ATG13: variants seen among roughly 807,000 people sequenced by gnomAD.
The protein encoded by ATG13 is autophagy-related protein 13.
ATG13 carries 23 observed loss-of-function variants against 65.5 expected under a neutral mutation model. The ratio of observed to expected loss-of-function variants is 0.35; its 90% CI spans 0.25 to 0.50. ATG13 has a LOEUF of 0.50. Among genes scored for constraint, ATG13 ranks in the 20% least tolerant of loss-of-function variants. The pLI is 0.98. For synonymous variants in ATG13, 252 were observed against 245.2 expected, an observed-to-expected ratio of 1.03 and a Z score of -0.26; for missense variants, 566 against 677.0, an observed-to-expected ratio of 0.84 and a Z score of 1.82.
intron 2 of ATG13, among the ~76,000 whole-genome samples, chr11:46,642,801 C>G (rs751107783): frequency 6.6e-5 from 10 of 152,206 alleles, no homozygotes; most frequent in Non-Finnish European, 1.3e-4. Context: ...GTCACTTCCT[C>G]TCGTCAAAAG....
chr11:46,625,295 A>G, intron 1 of ATG13: 1 of 34,150 alleles, frequency 2.9e-5, no homozygotes, highest in Admixed American at 3.2e-4. Context: ...TTTTTTTTTG[A>G]TACAGGGTTT....
At chr11:46,639,388 G>A (rs989482625) in intron 2 of ATG13, among the ~76,000 whole-genome samples, 9 of 152,082 alleles carry the variant, frequency 5.9e-5, no homozygotes, top group Non-Finnish European at 1.2e-4. Flanking sequence ...TGGCTTCCTG[G>A]ACTAGTTGCT....
chr11:46,639,488 CT>C (rs2055144506), intron 2 of ATG13, among the ~76,000 whole-genome samples: 1 of 151,946 alleles, frequency 6.6e-6, no homozygotes, highest in Non-Finnish European at 1.5e-5. Context: ...AGAATTCTGT[CT>C]TTATATATAT....
chr11:46,670,022 C>T (rs1030267046), intron 18 of ATG13, among the ~76,000 whole-genome samples: 1 of 152,154 alleles, frequency 6.6e-6, no homozygotes, highest in Admixed American at 6.5e-5. Context: ...ATTTCCTCTT[C>T]CTGCCTCTGA....
chr11:46,646,115 G>A (rs2057458708), intron 5 of ATG13, 126 bp downstream of exon 5: 1 of 1,293,744 alleles, frequency 7.7e-7, no homozygotes, highest in Non-Finnish European at 1.0e-6. Context: ...TCTCTGAGGG[G>A]GTCATAGTTT....
Position 46,627,372 on chromosome 11 carries a change from C to G in ATG13, c.-69-2673C>G, listed in dbSNP as rs188030449. Among the ~76,000 whole-genome samples the G allele has an allele frequency of 1.7e-3, 251 of 152,080 alleles. 1 individual carries two copies. Among genetic ancestry groups the G allele is most frequent in the Non-Finnish European group, 1.5e-3 (103 of 67,978 alleles). ...CCATCCAGGGCGACAGAGCAAGACT[C>G]TGTCTCAAAAAATAAATAAATAAAT... On this transcript the variant is annotated intron_variant, in intron 1 of 18. Transcript: ENST00000683050.
chr11:46,663,960 T>G (rs1227201641), intron 11 of ATG13, 37 bp from the exon 12 acceptor site: 13 of 1,243,352 alleles, frequency 1.0e-5, no homozygotes, highest in East Asian at 2.5e-5. Context: ...TTTTTTTTTT[T>G]TTTGTTTCTC....
At chr11:46,643,952 T>C (rs2056860443) in intron 2 of ATG13, among the ~76,000 whole-genome samples, 1 of 152,218 alleles carries the variant, frequency 6.6e-6, no homozygotes, top group Non-Finnish European at 1.5e-5. Context: ...TTCAGCAAAG[T>C]TTATGTCTCA....
intron 5 of ATG13, 136 bp from the exon 6 acceptor site, chr11:46,649,001 A>T (rs1317738861): frequency 1.6e-6 from 1 of 642,668 alleles, no homozygotes; most frequent in Non-Finnish European, 2.5e-6. Flanking sequence ...TTTAGAGAAG[A>T]GGCTTGTTCG....
chr11:46,665,390 T>A lies in ATG13; in HGVS notation c.1007T>A (p.Val336Asp). The change falls in exon 14 of 19, where the codon GTT becomes GAT. Residue 336 changes from valine to aspartate, a missense_variant. Physicochemically the swap from Val to Asp is radical, Grantham distance 152. Around this residue, in one of 2 missense-constraint regions of ATG13, gnomAD observed 387 missense variants for 409.8 expected, o/e 0.94. Coordinates refer to ENST00000683050, the MANE Select transcript of ATG13 (RefSeq NM_001346311.2). ...LNATHPHQLM[V>D]PGKEGGVPLA... ...TTCCATTTTTCCCCAAAGCTGATGG[T>A]TCCTGGGAAGGAAGGTGGGGTACCC... The A allele has an allele frequency of 6.2e-7, 1 of 1,613,852 alleles. No individual in the cohort carries two copies.
rs2064353601 is a variant in ATG13 at position 46,674,397 on chromosome 11, G to C, written c.*2065G>C. The stretch of plus-strand genomic sequence containing the variant: ...CGGGACAGGCTGGGACCAGCTGTTT[G>C]TCTCCAGGTGTCAGAGTCCCTCCTC... On this transcript the variant is annotated 3_prime_UTR_variant, in exon 19 of 19. Coordinates refer to ENST00000683050, the MANE Select transcript of ATG13 (RefSeq NM_001346311.2). 6.6e-6 allele frequency: 1 copy of C among 152,250 alleles called. No individual in the cohort carries two copies. Among genetic ancestry groups the C allele is most frequent in the Non-Finnish European group, 1.5e-5 (1 of 68,084 alleles). 9.4% of individuals were successfully genotyped at this position (152,250 alleles called of 1,614,324 possible). A position where few individuals can be genotyped will look rare whatever the true frequency, so the allele number is the denominator to read the frequency against.
intron 1 of ATG13, chr11:46,625,335 A>T (rs1414572405): frequency 7.3e-6 from 1 of 137,518 alleles, no homozygotes; most frequent in Non-Finnish European, 1.5e-5. Flanking sequence ...GAGTGCAATG[A>T]CATGATCACA....
At chr11:46,665,331 C>T in intron 13 of ATG13, 52 bp from the exon 14 acceptor site, 2 of 1,588,018 alleles carry the variant, frequency 1.3e-6, no homozygotes, top group South Asian at 1.1e-5. Flanking sequence ...GTGAAGTTCC[C>T]CTCCTGCCTG....
chr11:46,631,225 T>C (rs1054105090), intron 2 of ATG13, among the ~76,000 whole-genome samples: 1 of 152,196 alleles, frequency 6.6e-6, no homozygotes, highest in African/African-American at 2.4e-5. Flanking sequence ...AGGGTCTCAC[T>C]CTGTTACTTA....
intron 2 of ATG13, among the ~76,000 whole-genome samples, chr11:46,642,310 T>TG (rs2056307208): frequency 9.5e-6 from 1 of 105,084 alleles, no homozygotes; most frequent in African/African-American, 3.3e-5. Context: ...GTGGGTTTTT[T>TG]TTTTTTTTTT....
intron 2 of ATG13, among the ~76,000 whole-genome samples, chr11:46,641,809 G>A (rs1676303757): frequency 6.8e-6 from 1 of 148,138 alleles, no homozygotes; most frequent in Admixed American, 6.8e-5. Flanking sequence ...TGCCCAGGCT[G>A]GAGTGCAGTG....
chr11:46,664,812 C>A (rs767889336), intron 12 of ATG13, 37 bp from the exon 13 acceptor site: 2 of 1,574,654 alleles, frequency 1.3e-6, no homozygotes, highest in Non-Finnish European at 1.7e-6. Flanking sequence ...TTTTTCCTTG[C>A]CTTTCCTTTT....
In ATG13 at chr11:46,666,506, G is replaced by A. The variant is rs539574836; in HGVS notation, c.1136+987G>A. Among the ~76,000 whole-genome samples, 86 of 152,288 alleles carry A rather than the reference G, an allele frequency of 5.6e-4. 1 individual carries two copies. In the South Asian group the frequency reaches 0.015, roughly 26 times the overall value. On this transcript the variant is annotated intron_variant, in intron 14 of 18. Transcript: ENST00000683050. ...TAAATCTTTGTCTTTTCTGATTACC[G>A]AAGTGATACATTCTGTAAAACTCAA...
At chr11:46,653,858 C>T (rs898581460) in intron 7 of ATG13, among the ~76,000 whole-genome samples, 2 of 152,138 alleles carry the variant, frequency 1.3e-5, no homozygotes, top group South Asian at 2.1e-4. Context: ...CGTGAGCCAC[C>T]GCGCCTGGCG....
Sources: allele counts gnomAD v4.1 joint callset (sites outside exome capture counted in the v4.1 genomes callset), GRCh38; gene constraint gnomAD v4.1.1; regional missense constraint gnomAD v4.1.1; transcripts MANE v1.5; gene names NCBI Gene and HGNC (gene_info 2026-07-23, HGNC 2026-07-21).